ADCY8: variants seen among roughly 807,000 people sequenced by gnomAD.
ADCY8 encodes adenylate cyclase type 8.
In ADCY8, 51 loss-of-function variants were observed where a neutral mutation model predicts 119.7. The ratio of observed to expected loss-of-function variants is 0.43; its 90% CI spans 0.34 to 0.54. ADCY8 has a LOEUF of 0.54. ADCY8 is among the 20% of genes least tolerant of loss of function. ADCY8 has a pLI of 0.03. For missense variants in ADCY8, 1,383 were observed against 1,598.8 expected, an observed-to-expected ratio of 0.87 and a Z score of 2.30; for synonymous variants, 665 against 651.0, an observed-to-expected ratio of 1.02 and a Z score of -0.33.
chr8:130,981,913 GCTT>G (rs1822251984), intron 2 of ADCY8, among the ~76,000 whole-genome samples: 1 of 152,118 alleles, frequency 6.6e-6, no homozygotes, highest in Admixed American at 6.5e-5. Context: ...TCTATATACT[GCTT>G]GATTTTCTTA....
Position 131,000,119 on chromosome 8 carries a change from A to T in ADCY8, c.961-9577T>A, listed in dbSNP as rs142359618. The stretch of plus-strand genomic sequence containing the variant: ...AGCCATTATTATGTTTATTTCACAT[A>T]TGTGGGAGCTTGGGATCAGAGAAGT... On this transcript the variant is annotated intron_variant, in intron 1 of 17. Coordinates refer to ENST00000286355, the MANE Select transcript of ADCY8 (RefSeq NM_001115.3). Among the ~76,000 whole-genome samples the T allele has an allele frequency of 2.3e-3, 346 of 152,302 alleles. 1 individual carries two copies. The highest frequency in any genetic ancestry group is 8.0e-3 in the African/African-American group (333 of 41,578).
At chr8:130,873,831 A>AAATAAT (rs1219130425) in intron 8 of ADCY8, among the ~76,000 whole-genome samples, 7 of 152,032 alleles carry the variant, frequency 4.6e-5, no homozygotes, top group Non-Finnish European at 1.0e-4. Context: ...GGATAAATTT[A>AAATAAT]GTTTGATTAA....
At chr8:130,807,122 T>C (rs1563672301) in intron 14 of ADCY8, among the ~76,000 whole-genome samples, 1 of 152,232 alleles carries the variant, frequency 6.6e-6, no homozygotes, top group South Asian at 2.1e-4. Flanking sequence ...ATTTTGAACA[T>C]GTGCATGCGC....
chr8:130,842,454 G>A (rs1452668496), intron 11 of ADCY8, among the ~76,000 whole-genome samples: 2 of 152,020 alleles, frequency 1.3e-5, no homozygotes, highest in Non-Finnish European at 2.9e-5. Context: ...CCCCAGTACT[G>A]CTTTTATTTT....
At chr8:130,787,365 A>T (rs1428586759) in intron 15 of ADCY8, among the ~76,000 whole-genome samples, 1 of 152,112 alleles carries the variant, frequency 6.6e-6, no homozygotes, top group Non-Finnish European at 1.5e-5. Flanking sequence ...AATCAACAAG[A>T]TTGGTGCTGT....
chr8:131,040,250 C>G lies in ADCY8; in HGVS notation c.84G>C (p.Arg28Ser). The G allele has an allele frequency of 3.2e-6, 5 of 1,550,432 alleles. No homozygotes were observed. The highest frequency in any genetic ancestry group is 4.3e-6 in the Non-Finnish European group (5 of 1,154,800). Residue 28 changes from arginine to serine, a missense_variant, in exon 1 of 18, where the codon AGG becomes AGC. Coordinates refer to ENST00000286355, the MANE Select transcript of ADCY8 (RefSeq NM_001115.3). ...GCAGCCGCTGCGGCCGGGAGGCGCTCCTGCCGTCGCCGGCCGGGGGCGTCG... is the reference window on the plus strand; with the variant it reads ...GCAGCCGCTGCGGCCGGGAGGCGCTGCTGCCGTCGCCGGCCGGGGGCGTCG... ...IHPTPPAGDG[R>S]SASRPQRLLW...
At chr8:130,971,830 G>C (rs971423144) in intron 2 of ADCY8, among the ~76,000 whole-genome samples, 3 of 152,182 alleles carry the variant, frequency 2.0e-5, no homozygotes, top group African/African-American at 7.2e-5. Flanking sequence ...TGTATTCATG[G>C]AGCTTCAAAT....
chr8:130,896,287 G>T (rs1216872910), intron 7 of ADCY8, among the ~76,000 whole-genome samples: 3 of 152,098 alleles, frequency 2.0e-5, no homozygotes, highest in Non-Finnish European at 4.4e-5. Flanking sequence ...GAACTTTACT[G>T]GCAAATTGTA....
chr8:130,813,026 C>T (rs1372291236), intron 14 of ADCY8, among the ~76,000 whole-genome samples: 1 of 151,316 alleles, frequency 6.6e-6, no homozygotes, highest in African/African-American at 2.4e-5. Context: ...CAACTCACTG[C>T]AACCTCTGCC....
intron 13 of ADCY8, among the ~76,000 whole-genome samples, chr8:130,816,156 G>T (rs1390657813): frequency 2.0e-5 from 3 of 152,142 alleles, no homozygotes; most frequent in Non-Finnish European, 2.9e-5. Context: ...AAGACCATAT[G>T]CAAAAGGTTA....
At chr8:130,893,875 TGTTTGCGGG>T (rs1430742318) in intron 7 of ADCY8, among the ~76,000 whole-genome samples, 1,882 of 151,694 alleles carry the variant, frequency 0.012, 40 homozygotes, top group African/African-American at 0.043. Context: ...TTTATGTGTG[TGTTTGCGGG>T]TGTGCATGTT....
At chr8:130,826,730 G>A (rs78617736) in intron 12 of ADCY8, among the ~76,000 whole-genome samples, 2 of 152,038 alleles carry the variant, frequency 1.3e-5, no homozygotes, top group Non-Finnish European at 2.9e-5. Flanking sequence ...ATGCCAGAAA[G>A]CGGAAACAGC....
chr8:130,981,178 A>T (rs1029297387), intron 2 of ADCY8, among the ~76,000 whole-genome samples: 2 of 152,166 alleles, frequency 1.3e-5, no homozygotes, highest in African/African-American at 4.8e-5. Context: ...GAAGGAAAAA[A>T]ATTCTAGGAT....
chr8:130,994,578 A>G (rs905236060), intron 1 of ADCY8, among the ~76,000 whole-genome samples: 1 of 152,208 alleles, frequency 6.6e-6, no homozygotes, highest in Non-Finnish European at 1.5e-5. Context: ...CCATAAACCC[A>G]TCATTTAAAT....
chr8:130,990,609 C>G, intron 1 of ADCY8, 67 bp from the exon 2 acceptor site: 1 of 1,560,092 alleles, frequency 6.4e-7, no homozygotes, highest in African/African-American at 1.4e-5. Flanking sequence ...ATAAAATACA[C>G]AAATAAATAT....
intron 1 of ADCY8, among the ~76,000 whole-genome samples, chr8:131,007,773 G>C (rs1346986664): frequency 6.6e-6 from 1 of 152,166 alleles, no homozygotes; most frequent in African/African-American, 2.4e-5. Flanking sequence ...TGCACACTGA[G>C]GGTACAAATA....
At chr8:131,029,849 T>TGTGTGTGG (rs923694905) in intron 1 of ADCY8, among the ~76,000 whole-genome samples, 9 of 134,790 alleles carry the variant, frequency 6.7e-5, no homozygotes, top group Middle Eastern at 3.5e-3. Context: ...TAATGATGTG[T>TGTGTGTGG]GTGTGTGGGT....
chr8:130,849,717 C>T lies in ADCY8; in HGVS notation c.2297G>A (p.Cys766Tyr). ...AGTTTTCCGGAGGATGAGGGGCAAA[C>T]ATTTATAATCCTCTGCTGTGGTGAT... Reference protein sequence around the residue: ...VLITTAEDYKCLPLILRKTCC... With the variant: ...VLITTAEDYKYLPLILRKTCC... Residue 766 changes from cysteine (C) to tyrosine (Y), a missense_variant, in exon 10 of 18, where the codon TGT (cysteine) becomes TAT (tyrosine). Cys to Tyr is a radical substitution (Grantham distance 194). Transcript: ENST00000286355. 6.2e-7 allele frequency: 1 copy of T among 1,613,974 alleles called. No individual in the cohort carries two copies. Among genetic ancestry groups the T allele is most frequent in the Non-Finnish European group, 8.5e-7 (1 of 1,179,934 alleles).
At chr8:130,993,303 T>C (rs1822659948) in intron 1 of ADCY8, among the ~76,000 whole-genome samples, 1 of 152,194 alleles carries the variant, frequency 6.6e-6, no homozygotes, top group African/African-American at 2.4e-5. Context: ...CCTCAAAGTA[T>C]ACACTGCAAA....
Sources: allele counts gnomAD v4.1 joint callset (sites outside exome capture counted in the v4.1 genomes callset), GRCh38; gene constraint gnomAD v4.1.1; transcripts MANE v1.5; gene names NCBI Gene and HGNC (gene_info 2026-07-23, HGNC 2026-07-21).